The following CTNNA2 variants were observed in gnomAD, a reference collection of about 807,000 sequenced individuals.
CTNNA2 encodes catenin alpha-2.
Under a neutral mutation model 101.0 loss-of-function variants are expected in CTNNA2, and 42 were observed. That is an observed-to-expected ratio of 0.42 (90% CI 0.32 to 0.54). The LOEUF (loss-of-function observed/expected upper bound fraction) is 0.54. CTNNA2 is among the 20% of genes least tolerant of loss of function. CTNNA2 has a pLI of 0.14. For synonymous variants in CTNNA2, 450 were observed against 456.4 expected (o/e 0.99, Z 0.18); for missense variants, 871 against 1,223.1 (o/e 0.71, Z 4.29).
rs547965014 is a variant in CTNNA2, at chr2:80,506,001, G to A, written c.1291-38981G>A. On this transcript the variant is annotated intron_variant, in intron 9 of 18. Coordinates refer to ENST00000402739, the MANE Select transcript of CTNNA2 (RefSeq NM_001282597.3). ...CTGTTTAGTTTTTACTAGATGTCAC[G>A]TATTCCCAAAAAAGTTACAACAACA... Among the ~76,000 whole-genome samples, 317 of 152,234 alleles carry A rather than the reference G, an allele frequency of 2.1e-3. 2 individuals carry two copies. The highest frequency in any genetic ancestry group is 6.6e-3 in the African/African-American group (274 of 41,526).
chr2:80,562,940 C>T (rs181818322), intron 12 of CTNNA2, among the ~76,000 whole-genome samples: 99 of 150,778 alleles, frequency 6.6e-4, no homozygotes, highest in Admixed American at 1.1e-3. Context: ...AGATAGGGTA[C>T]GGTAAACATA....
In CTNNA2 at chr2:80,221,004, C is replaced by A. The variant is rs1573432665; in HGVS notation, c.1057-172207C>A. Among the ~76,000 whole-genome samples, 3 of 152,272 alleles carry A rather than the reference C, an allele frequency of 2.0e-5. No homozygotes were observed. The South Asian group carries it at 6.2e-4, about 32-fold the overall frequency. The stretch of plus-strand genomic sequence containing the variant: ...TCAAGCGATTCTCCTGCCTCAGCCT[C>A]CCAAGTAGCTAGGATTACAGGCACC... On this transcript the variant is annotated intron_variant, in intron 7 of 18. Transcript: ENST00000402739.
At chr2:79,375,473 T>C (rs547640072) in intron 4 of CTNNA2, among the ~76,000 whole-genome samples, 2 of 152,286 alleles carry the variant, frequency 1.3e-5, no homozygotes, top group East Asian at 3.9e-4. Context: ...CATGCATTAA[T>C]TGATTCAATA....
chr2:80,303,345 C>G lies in CTNNA2; in HGVS notation c.1057-89866C>G, dbSNP rs1573648016. The G allele has an allele frequency of 1.9e-6, 3 of 1,613,974 alleles. No homozygotes were observed. Among genetic ancestry groups the G allele is most frequent in the Non-Finnish European group, 1.7e-6 (2 of 1,180,036 alleles). ...TGCAGCGTGGTGAGCTTCCGCAGCC[C>G]GTGGAAGAGGTCGGGCGCGAGCGCC... On this transcript the variant is annotated intron_variant, in intron 7 of 18. Coordinates refer to ENST00000402739, the MANE Select transcript of CTNNA2 (RefSeq NM_001282597.3). The surrounding 1 kb of genome is among the most constrained non-coding windows in gnomAD (Gnocchi z 7.7).
At chr2:80,348,902 G>A (rs1176000868) in intron 7 of CTNNA2, among the ~76,000 whole-genome samples, 1 of 152,138 alleles carries the variant, frequency 6.6e-6, no homozygotes, top group Non-Finnish European at 1.5e-5. Flanking sequence ...TGCTGCTCTA[G>A]TCAGATTGGA....
chr2:79,894,080 CCTT>C (rs1173177716), intron 6 of CTNNA2, among the ~76,000 whole-genome samples: 84 of 145,698 alleles, frequency 5.8e-4, no homozygotes, highest in Non-Finnish European at 6.9e-4. Context: ...TCCTCCTCCT[CCTT>C]CTTCTTCTTC....
At chr2:79,463,298 C>G (rs987978732) in intron 4 of CTNNA2, among the ~76,000 whole-genome samples, 5 of 150,976 alleles carry the variant, frequency 3.3e-5, no homozygotes, top group Admixed American at 6.6e-5. Context: ...ATCTCAGCTA[C>G]TCGGGAGGCT....
chr2:79,492,484 A>T (rs1161860046), intron 4 of CTNNA2, among the ~76,000 whole-genome samples: 1 of 152,078 alleles, frequency 6.6e-6, no homozygotes, highest in African/African-American at 2.4e-5. Context: ...TAAACTGTTT[A>T]AATAGGACAA....
At chr2:80,051,994 A>T (rs1423879328) in intron 7 of CTNNA2, among the ~76,000 whole-genome samples, 2 of 152,182 alleles carry the variant, frequency 1.3e-5, no homozygotes, top group Non-Finnish European at 2.9e-5. Context: ...TATTTCTAAG[A>T]CAAGTGGGTG....
chr2:79,280,951 A>G (rs1022613876), intron 2 of CTNNA2, among the ~76,000 whole-genome samples: 1 of 152,042 alleles, frequency 6.6e-6, no homozygotes, highest in Non-Finnish European at 1.5e-5. Context: ...TTTGCACTCT[A>G]CATCTCCCCT....
At chr2:79,323,400 G>T (rs144501613) in intron 3 of CTNNA2, among the ~76,000 whole-genome samples, 1 of 152,086 alleles carries the variant, frequency 6.6e-6, no homozygotes, top group Non-Finnish European at 1.5e-5. Context: ...TACGTAACTT[G>T]CACAAGGTTA....
chr2:79,425,241 A>T (rs1305746891), intron 4 of CTNNA2, among the ~76,000 whole-genome samples: 1 of 152,174 alleles, frequency 6.6e-6, no homozygotes, highest in Admixed American at 6.5e-5. Context: ...CCCAAAGGCT[A>T]TTTAACCAGT....
chr2:80,393,807 G>C (rs932333138), intron 8 of CTNNA2, among the ~76,000 whole-genome samples: 33 of 152,182 alleles, frequency 2.2e-4, no homozygotes, highest in African/African-American at 7.7e-4. Flanking sequence ...GGAATAAAAT[G>C]GCTAATGACA....
chr2:80,272,315 G>A (rs1673558377), intron 7 of CTNNA2, among the ~76,000 whole-genome samples: 1 of 152,120 alleles, frequency 6.6e-6, no homozygotes, highest in African/African-American at 2.4e-5. Context: ...GGATGAAGGA[G>A]GAACAAAAAT....
At position 80,611,571 on chromosome 2, in the gene CTNNA2, G is replaced by A. The variant is rs537520648; in HGVS notation, c.2430+3253G>A. Among the ~76,000 whole-genome samples, 980 of 151,446 alleles carry A rather than the reference G, an allele frequency of 6.5e-3. 5 individuals carry two copies. The highest frequency in any genetic ancestry group is 0.02 in the South Asian group (95 of 4,820). ...ATTATCATGTTTTTGACTAATTTTT[G>A]TTTGCTAGGTTTCACAGGGTTTAAT... On this transcript the variant is annotated intron_variant, in intron 17 of 18. Coordinates refer to ENST00000402739, the MANE Select transcript of CTNNA2 (RefSeq NM_001282597.3).
intron 7 of CTNNA2, chr2:80,299,257 G>T (rs1676032513): frequency 6.6e-6 from 1 of 152,166 alleles, no homozygotes; most frequent in Non-Finnish European, 1.5e-5. Flanking sequence ...AGGGGTCAGA[G>T]CAAGTTTCTT....
At position 79,460,533 on chromosome 2, in the gene CTNNA2, T is replaced by C. The variant is rs537249979; in HGVS notation, c.-134-44521T>C. Among the ~76,000 whole-genome samples the C allele has an allele frequency of 5.9e-5, 9 of 152,336 alleles. No homozygotes were observed. The South Asian group carries it at 8.3e-4, about 14-fold the overall frequency. ...AAAATGTTCTCACTCTCTATTCACA[T>C]TGCCACAATAGGCCAATTTCTCACC... On this transcript the variant is annotated intron_variant, in intron 4 of 21. Transcript: ENST00000466387.
intron 8 of CTNNA2, among the ~76,000 whole-genome samples, chr2:80,406,844 A>AAAAAG (rs1679114868): frequency 6.6e-6 from 1 of 151,490 alleles, no homozygotes; most frequent in African/African-American, 2.4e-5. Context: ...AAAAAAAAAA[A>AAAAAG]AAAAGAAAAG....
chr2:79,547,676 G>C (rs1243036577), intron 1 of CTNNA2: 1 of 152,160 alleles, frequency 6.6e-6, no homozygotes, highest in African/African-American at 2.4e-5. Context: ...AATGCATAAT[G>C]AGGTGAGTGT....
Sources: allele counts gnomAD v4.1 joint callset (sites outside exome capture counted in the v4.1 genomes callset), GRCh38; gene constraint gnomAD v4.1.1; non-coding constraint Gnocchi (gnomAD v3.1); transcripts MANE v1.5; gene names NCBI Gene and HGNC (gene_info 2026-07-23, HGNC 2026-07-21).